Variants in BRINP3 observed in about 807,000 individuals in gnomAD.
BRINP3 encodes BMP/retinoic acid-inducible neural-specific protein 3.
BRINP3 carries 19 observed loss-of-function variants against 71.0 expected under a neutral mutation model. That is an observed-to-expected ratio of 0.27 (90% confidence interval 0.19 to 0.39). BRINP3 has a LOEUF of 0.39. Ranked by LOEUF, BRINP3 falls within the 10% of genes least tolerant of loss-of-function variation. The pLI, the probability that BRINP3 is intolerant of heterozygous loss-of-function variation, is 1.00. For missense variants in BRINP3, 959 were observed against 940.8 expected (o/e 1.02, Z -0.25); for synonymous variants, 380 against 337.7 (o/e 1.13, Z -1.37).
chr1:190,119,450 AT>A (rs1275004966), intron 7 of BRINP3, among the ~76,000 whole-genome samples: 2 of 151,716 alleles, frequency 1.3e-5, no homozygotes, highest in Non-Finnish European at 2.9e-5. Context: ...TAATTTTTCT[AT>A]TTTTAGTAGA....
At chr1:190,296,077 G>A (rs926053261) in intron 2 of BRINP3, among the ~76,000 whole-genome samples, 2 of 144,370 alleles carry the variant, frequency 1.4e-5, no homozygotes, top group African/African-American at 2.6e-5. Context: ...TTTTTTTTTT[G>A]GGGGGGGGCT....
At chr1:190,225,959 G>T in intron 6 of BRINP3, 123 bp downstream of exon 6, 4 of 679,698 alleles carry the variant, frequency 5.9e-6, no homozygotes, top group Non-Finnish European at 9.6e-6. Flanking sequence ...ATGTCCATTT[G>T]AAAGAATAAA....
chr1:190,319,277 T>C (rs1402078182), intron 2 of BRINP3, among the ~76,000 whole-genome samples: 2 of 152,110 alleles, frequency 1.3e-5, no homozygotes, highest in Non-Finnish European at 2.9e-5. Context: ...CTTTACATGG[T>C]TATGTCCTTC....
At chr1:190,148,634 A>C (rs1656115090) in intron 7 of BRINP3, among the ~76,000 whole-genome samples, 1 of 148,406 alleles carries the variant, frequency 6.7e-6, no homozygotes, top group Non-Finnish European at 1.5e-5. Context: ...TAAATAAATA[A>C]ATAAATAAAT....
At chr1:190,285,323 T>C (rs1199939298) in intron 2 of BRINP3, among the ~76,000 whole-genome samples, 3 of 152,176 alleles carry the variant, frequency 2.0e-5, no homozygotes, top group African/African-American at 7.2e-5. Context: ...GTGGCTTACT[T>C]TGACAGATGA....
intron 2 of BRINP3, among the ~76,000 whole-genome samples, chr1:190,386,086 T>TG (rs1328071918): frequency 8.9e-5 from 5 of 56,152 alleles, no homozygotes; most frequent in African/African-American, 2.9e-4. Context: ...TGTTGTGGGG[T>TG]GGGGGAGGGG....
At chr1:190,233,273 A>G (rs10047048) in intron 5 of BRINP3, among the ~76,000 whole-genome samples, 21,578 of 151,984 alleles carry the variant, frequency 0.14, 2,034 homozygotes, top group South Asian at 0.26. Flanking sequence ...GCTCACTGCA[A>G]CCTTGAACTC....
intron 2 of BRINP3, among the ~76,000 whole-genome samples, chr1:190,386,036 T>A (rs1449101230): frequency 8.8e-5 from 12 of 135,850 alleles, no homozygotes; most frequent in Non-Finnish European, 1.5e-5. Flanking sequence ...AACAATGAGA[T>A]CACATGGACA....
At chr1:190,185,227 C>T (rs1459385200) in intron 6 of BRINP3, among the ~76,000 whole-genome samples, 2 of 151,908 alleles carry the variant, frequency 1.3e-5, no homozygotes, top group Non-Finnish European at 2.9e-5. Flanking sequence ...GGGTTTATTT[C>T]CAAAATCAAT....
intron 7 of BRINP3, among the ~76,000 whole-genome samples, chr1:190,146,006 G>A (rs1001995317): frequency 3.9e-5 from 6 of 152,174 alleles, no homozygotes; most frequent in Non-Finnish European, 7.4e-5. Context: ...TAAGCTATAA[G>A]GACTTAAAGG....
At chr1:190,246,393 T>C (rs1335313090) in intron 4 of BRINP3, among the ~76,000 whole-genome samples, 3 of 96,302 alleles carry the variant, frequency 3.1e-5, no homozygotes, top group African/African-American at 1.2e-4. Context: ...CAATTTGCTC[T>C]GGGGTCATTC....
At chr1:190,213,942 A>C (rs1656196529) in intron 6 of BRINP3, among the ~76,000 whole-genome samples, 1 of 152,150 alleles carries the variant, frequency 6.6e-6, no homozygotes, top group East Asian at 1.9e-4. Flanking sequence ...TGTGAGTCCC[A>C]GTGTTTGGGC....
chr1:190,301,279 T>C (rs1664721850), intron 2 of BRINP3, among the ~76,000 whole-genome samples: 1 of 137,954 alleles, frequency 7.2e-6, no homozygotes, highest in South Asian at 2.3e-4. Context: ...TCCACTGGGG[T>C]CAATATTTTA....
intron 6 of BRINP3, among the ~76,000 whole-genome samples, chr1:190,197,047 T>G (rs181245371): frequency 1.2e-3 from 181 of 152,092 alleles, no homozygotes; most frequent in African/African-American, 4.2e-3. Context: ...GGAGATTTAA[T>G]GGACTCACAG....
rs1188548099 is a variant in BRINP3, at chr1:190,098,291, G to A, written c.2028C>T (p.Asp676=). The A allele has an allele frequency of 6.2e-7, 1 of 1,614,144 alleles. No homozygotes were observed. The highest frequency in any genetic ancestry group is 1.1e-5 in the South Asian group (1 of 91,084). Residue 676 remains aspartate (D), a synonymous_variant, in exon 8 of 8, where the codon GAC becomes GAT. Transcript: ENST00000367462. ...AAATCAGGTCCCGAATTGCTTCAGG[G>A]TCAAAGTGCATGCTGTAGCCAAACA... ...IQVFGYSMHF[D]PEAIRDLILQ...
At chr1:190,365,806 G>GTA (rs66540359) in intron 2 of BRINP3, among the ~76,000 whole-genome samples, 2,361 of 127,798 alleles carry the variant, frequency 0.018, 22 homozygotes, top group East Asian at 0.035. Context: ...GAGAGCAAGT[G>GTA]TATATATATA....
chr1:190,242,491 C>T (rs76784338), intron 4 of BRINP3, among the ~76,000 whole-genome samples: 1,615 of 152,096 alleles, frequency 0.011, 25 homozygotes, highest in African/African-American at 0.036. Context: ...AGCACAAACA[C>T]GGATAAACAC....
chr1:190,227,305 G>GA (rs1480607226), intron 5 of BRINP3, among the ~76,000 whole-genome samples: 1 of 151,578 alleles, frequency 6.6e-6, no homozygotes, highest in African/African-American at 2.4e-5. Flanking sequence ...TTAACATTTA[G>GA]AAAAAAATTA....
chr1:190,207,207 T>C (rs1018754880), intron 6 of BRINP3, among the ~76,000 whole-genome samples: 1 of 152,224 alleles, frequency 6.6e-6, no homozygotes, highest in East Asian at 1.9e-4. Context: ...ACCGCTAAAT[T>C]GTCTGTCTGT....
Sources: gnomAD v4.1 joint callset for allele counts (sites outside exome capture counted in the v4.1 genomes callset) on GRCh38, gnomAD v4.1.1 for gene constraint, MANE v1.5 for transcripts, NCBI Gene and HGNC (gene_info 2026-07-23, HGNC 2026-07-21) for gene names.